Variants in RAB11FIP3 observed in about 807,000 individuals in gnomAD.
The protein encoded by RAB11FIP3 is RAB11 family interacting protein 3, also known as rab11 family-interacting protein 3.
In RAB11FIP3, 17 loss-of-function variants were observed where a neutral mutation model predicts 77.8. The observed-to-expected ratio is 0.22, with a 90% CI of 0.15 to 0.33. The LOEUF (loss-of-function observed/expected upper bound fraction) is 0.33. RAB11FIP3 is among the 10% of genes least tolerant of loss of function. The pLI, the probability that RAB11FIP3 is intolerant of heterozygous loss-of-function variation, is 1.00. For synonymous variants in RAB11FIP3, 437 were observed against 448.2 expected (o/e 0.98, Z 0.31); for missense variants, 1,005 against 1,011.2 (o/e 0.99, Z 0.08).
At chr16:486,610 T>C (rs1264688183) in intron 4 of RAB11FIP3, among the ~76,000 whole-genome samples, 3 of 152,238 alleles carry the variant, frequency 2.0e-5, no homozygotes, top group Admixed American at 1.3e-4. Flanking sequence ...GGAAAGCACG[T>C]TGGGCGTCTG....
At position 514,313 on chromosome 16, in the gene RAB11FIP3, T is replaced by G. The variant is rs2032312693; in HGVS notation, c.1640+3513T>G. Among the ~76,000 whole-genome samples the G allele has an allele frequency of 6.6e-6, 1 of 151,724 alleles. No individual in the cohort carries two copies. On this transcript the variant is annotated intron_variant, in intron 9 of 13. Coordinates refer to ENST00000262305, the MANE Select transcript of RAB11FIP3 (RefSeq NM_014700.4). This position sits in a 1 kb window ranked among gnomAD's most constrained non-coding sequence, Gnocchi z 4.6. ...TCTTGGGGACTTCCCCAGCCTGGCC[T>G]CTGCCCATCTGGTGTACAGGAAGAC...
At chr16:467,606 GCTGGGGCGT>G (rs2055727973) in intron 2 of RAB11FIP3, among the ~76,000 whole-genome samples, 1 of 132,454 alleles carries the variant, frequency 7.5e-6, no homozygotes, top group Admixed American at 7.3e-5. Context: ...GGGAGGAGGT[GCTGGGGCGT>G]CAGGGAGGAG....
In RAB11FIP3 at chr16:520,233, G is replaced by A. The variant is rs72767836; in HGVS notation, c.1972G>A (p.Ala658Thr). ...SMGLQEYHSRARESELEQEVR... is the reference protein window; with the variant it reads ...SMGLQEYHSRTRESELEQEVR... ...GGGCCTGCAGGAGTACCACAGCCGC[G>A]CCCGGGAGAGCGAGCTGGAGCAGGA... Residue 658 changes from alanine (A) to threonine (T), a missense_variant, in exon 12 of 14, where the codon GCC becomes ACC. This residue lies in a region of RAB11FIP3 where 433 missense variants were observed against 436.1 expected (regional missense o/e 0.99). Transcript: ENST00000262305. 7,922 of 1,545,662 alleles carry A rather than the reference G, an allele frequency of 5.1e-3. 24 individuals carry two copies. Among genetic ancestry groups the A allele is most frequent in the Non-Finnish European group, 6.6e-3 (7,588 of 1,148,028 alleles).
intron 9 of RAB11FIP3, among the ~76,000 whole-genome samples, chr16:513,408 G>A (rs1256143390): frequency 2.6e-5 from 4 of 152,046 alleles, no homozygotes; most frequent in South Asian, 2.1e-4. Flanking sequence ...TGGTAGAGAC[G>A]AGGTCTTGCT....
At position 488,931 on chromosome 16, in the gene RAB11FIP3, C is replaced by T. The variant is rs372735637; in HGVS notation, c.1196C>T (p.Ala399Val). The change falls in exon 5 of 14, where the codon GCG becomes GTG. Residue 399 changes from alanine to valine, a missense_variant. Ala to Val is a moderately conservative substitution (Grantham distance 64). This residue lies in a region of RAB11FIP3 where 433 missense variants were observed against 436.1 expected (regional missense o/e 0.99). Coordinates refer to ENST00000262305, the MANE Select transcript of RAB11FIP3 (RefSeq NM_014700.4). The part of the protein sequence containing the change: ...HFEDYGEGSE[A>V]ELSPETLCNG... ...GAGGACTACGGTGAAGGCAGTGAGG[C>T]GGAGCTGTCCCCAGAGACCCTATGC... The T allele has an allele frequency of 8.7e-6, 14 of 1,613,910 alleles. No individual in the cohort carries two copies. Among genetic ancestry groups the T allele is most frequent in the African/African-American group, 2.7e-5 (2 of 74,906 alleles).
intron 3 of RAB11FIP3, among the ~76,000 whole-genome samples, chr16:476,181 G>A (rs1004823655): frequency 2.0e-5 from 3 of 152,216 alleles, no homozygotes; most frequent in African/African-American, 7.2e-5. Context: ...ATGAGAAGGT[G>A]AAGGTGGGTC....
chr16:435,763 T>C (rs2055117713), intron 1 of RAB11FIP3, among the ~76,000 whole-genome samples: 1 of 151,936 alleles, frequency 6.6e-6, no homozygotes, highest in Non-Finnish European at 1.5e-5. Flanking sequence ...ATCATTACAG[T>C]TGGTAGAAAT....
intron 6 of RAB11FIP3, among the ~76,000 whole-genome samples, chr16:501,656 C>G (rs1306604909): frequency 7.4e-6 from 1 of 135,790 alleles, no homozygotes; most frequent in African/African-American, 2.9e-5. Context: ...ATTTCACAGA[C>G]AAGTTCAGAG....
At chr16:495,288 C>T (rs1384595791) in intron 5 of RAB11FIP3, among the ~76,000 whole-genome samples, 1 of 152,022 alleles carries the variant, frequency 6.6e-6, no homozygotes, top group Non-Finnish European at 1.5e-5. Flanking sequence ...CAGAGCCCCC[C>T]AGCTACAGTC....
intron 1 of RAB11FIP3, among the ~76,000 whole-genome samples, chr16:452,884 A>C (rs1325299497): frequency 1.6e-5 from 1 of 61,524 alleles, no homozygotes. Context: ...CATCCCGAGT[A>C]GTTGGGACTA....
At chr16:518,340 C>T (rs527842288) in intron 9 of RAB11FIP3, among the ~76,000 whole-genome samples, 7 of 152,228 alleles carry the variant, frequency 4.6e-5, no homozygotes, top group South Asian at 2.1e-4. Context: ...ATTGGCCTCC[C>T]AAAGTGTTGG....
chr16:492,460 G>A (rs879055961), intron 5 of RAB11FIP3, among the ~76,000 whole-genome samples: 1 of 28,306 alleles, frequency 3.5e-5, no homozygotes, highest in African/African-American at 1.8e-4. Context: ...GGCCCTTCCC[G>A]GGGAGACCCG....
chr16:515,306 T>C (rs1368262183), intron 9 of RAB11FIP3, among the ~76,000 whole-genome samples: 1 of 152,236 alleles, frequency 6.6e-6, no homozygotes, highest in Non-Finnish European at 1.5e-5. Context: ...TAGAGCCGTC[T>C]GGACTCCAGG....
rs2032315320 is a variant in RAB11FIP3 at position 514,382 on chromosome 16, A to G, written c.1640+3582A>G. 1.3e-5 allele frequency among the ~76,000 whole-genome samples: 2 copies of G among 152,130 alleles called. 1 individual carries two copies. The highest frequency in any genetic ancestry group is 1.3e-4 in the Admixed American group (2 of 15,280). On this transcript the variant is annotated intron_variant, in intron 9 of 13. Coordinates refer to ENST00000262305, the MANE Select transcript of RAB11FIP3 (RefSeq NM_014700.4). The surrounding 1 kb of genome is among the most constrained non-coding windows in gnomAD (Gnocchi z 4.6). ...ACTGTCTCAGTCCGGGGTCCTCAGG[A>G]GCAGAGGATCTGGAGGCAGGACTCC...
chr16:516,694 T>G (rs1440850053), intron 9 of RAB11FIP3, among the ~76,000 whole-genome samples: 1 of 150,882 alleles, frequency 6.6e-6, no homozygotes, highest in Non-Finnish European at 1.5e-5. Context: ...CTGGCCAACA[T>G]GGTGAAACCC....
intron 1 of RAB11FIP3, among the ~76,000 whole-genome samples, chr16:450,204 C>G (rs1443760394): frequency 2.0e-5 from 3 of 152,052 alleles, no homozygotes; most frequent in Admixed American, 6.6e-5. Context: ...GGGTCTCACT[C>G]TGTCGCCCAG....
rs546823666 is a variant in RAB11FIP3, at chr16:444,969, C to T, written c.715-16435C>T. Among the ~76,000 whole-genome samples the T allele has an allele frequency of 7.6e-4, 116 of 151,644 alleles. 1 individual carries two copies. Among genetic ancestry groups the T allele is most frequent in the South Asian group, 4.2e-3 (20 of 4,790 alleles). ...CTCTACTAAAAATACAAAAAATTAG[C>T]CAGGCATCATGGTGGGTACCTGTAG... On this transcript the variant is annotated intron_variant, in intron 1 of 13. Transcript: ENST00000262305.
In RAB11FIP3 at chr16:517,034, T is replaced by C. The variant is rs556461841; in HGVS notation, c.1641-1909T>C. On this transcript the variant is annotated intron_variant, in intron 9 of 13. Coordinates refer to ENST00000262305, the MANE Select transcript of RAB11FIP3 (RefSeq NM_014700.4). ...GAGTGCACACCTGGCAGGCAGACCT[T>C]GGCCAGGTGATCAGAAAGCCGTGCG... is the stretch of plus-strand genomic sequence containing the variant. Among the ~76,000 whole-genome samples the C allele has an allele frequency of 4.3e-3, 653 of 152,100 alleles. 8 individuals carry two copies. Among genetic ancestry groups the C allele is most frequent in the African/African-American group, 0.015 (619 of 41,476 alleles).
intron 5 of RAB11FIP3, among the ~76,000 whole-genome samples, chr16:493,495 C>G (rs1272860172): frequency 6.6e-6 from 1 of 152,190 alleles, no homozygotes; most frequent in Admixed American, 6.5e-5. Context: ...GATACGATGT[C>G]CAGTCGCCTC....
Sources: gnomAD v4.1 joint callset for allele counts (sites outside exome capture counted in the v4.1 genomes callset) on GRCh38, gnomAD v4.1.1 for gene constraint, gnomAD v4.1.1 regional missense constraint, Gnocchi (gnomAD v3.1) non-coding constraint, MANE v1.5 for transcripts, NCBI Gene and HGNC (gene_info 2026-07-23, HGNC 2026-07-21) for gene names.